Variants in STK31 observed in about 807,000 individuals in gnomAD.
STK31 encodes serine/threonine-protein kinase 31.
A neutral mutation model predicts 129.7 loss-of-function variants in STK31; 89 were observed. That is an observed-to-expected ratio of 0.69 (90% CI 0.58 to 0.82). The LOEUF (loss-of-function observed/expected upper bound fraction) is 0.82. Ranked by LOEUF, STK31 falls within the 40% of genes least tolerant of loss-of-function variation. The pLI, the probability that STK31 is intolerant of heterozygous loss-of-function variation, is 0.00. For missense variants in STK31, 1,187 were observed against 1,176.4 expected, an observed-to-expected ratio of 1.01 and a Z score of -0.13; for synonymous variants, 448 against 395.3, an observed-to-expected ratio of 1.13 and a Z score of -1.58.
intron 8 of STK31, among the ~76,000 whole-genome samples, chr7:23,738,362 T>TG (rs1277166152): frequency 1.6e-4 from 24 of 149,912 alleles, no homozygotes; most frequent in Non-Finnish European, 3.0e-5. Context: ...CCAAATCTCA[T>TG]TCAGAGTATT....
chr7:23,775,734 G>T (rs909850715), intron 15 of STK31, among the ~76,000 whole-genome samples: 14 of 152,180 alleles, frequency 9.2e-5, no homozygotes, highest in Non-Finnish European at 1.6e-4. Context: ...TTTGGGCTGA[G>T]ACGATGGGGT....
At chr7:23,715,528 G>T (rs558019859) in intron 3 of STK31, among the ~76,000 whole-genome samples, 1 of 151,898 alleles carries the variant, frequency 6.6e-6, no homozygotes, top group South Asian at 2.1e-4. Context: ...CTGAGGGTGG[G>T]AAGATTGCCT....
At chr7:23,819,878 G>C (rs1488900738) in intron 23 of STK31, among the ~76,000 whole-genome samples, 2 of 152,150 alleles carry the variant, frequency 1.3e-5, no homozygotes, top group Non-Finnish European at 2.9e-5. Flanking sequence ...CTCCCATAAT[G>C]ATGGTGATAA....
At chr7:23,798,949 G>T (rs183156710) in intron 22 of STK31, among the ~76,000 whole-genome samples, 1 of 151,526 alleles carries the variant, frequency 6.6e-6, no homozygotes, top group African/African-American at 2.4e-5. Context: ...TTATACACCC[G>T]TAACAGACAA....
intron 8 of STK31, among the ~76,000 whole-genome samples, chr7:23,739,164 C>A (rs1787903692): frequency 6.6e-6 from 1 of 152,146 alleles, no homozygotes; most frequent in Non-Finnish European, 1.5e-5. Flanking sequence ...TTAATGATCG[C>A]CATTATAACT....
intron 8 of STK31, among the ~76,000 whole-genome samples, chr7:23,744,065 G>A (rs1047485712): frequency 6.6e-5 from 10 of 151,808 alleles, no homozygotes; most frequent in Non-Finnish European, 1.3e-4. Flanking sequence ...GACTACAGGT[G>A]CATGCCACCA....
At chr7:23,786,473 C>G (rs1225265135) in intron 18 of STK31, 35 bp from the exon 19 acceptor site, 3 of 1,559,774 alleles carry the variant, frequency 1.9e-6, no homozygotes, top group Non-Finnish European at 2.6e-6. Flanking sequence ...AGATTTTCAT[C>G]TTGGAATTAC....
At chr7:23,753,616 C>A (rs962456713) in intron 9 of STK31, among the ~76,000 whole-genome samples, 2 of 152,196 alleles carry the variant, frequency 1.3e-5, no homozygotes, top group African/African-American at 4.8e-5. Flanking sequence ...AAGCCCACTA[C>A]GTTTGTTATT....
chr7:23,799,577 C>T (rs188907557), intron 22 of STK31, among the ~76,000 whole-genome samples: 162 of 152,114 alleles, frequency 1.1e-3, no homozygotes, highest in Admixed American at 2.9e-3. Flanking sequence ...TTCCTTACAC[C>T]GTATACAAAA....
intron 6 of STK31, among the ~76,000 whole-genome samples, 175 bp from the exon 7 acceptor site, chr7:23,735,363 G>A (rs1208689131): frequency 6.6e-6 from 1 of 152,196 alleles, no homozygotes; most frequent in Non-Finnish European, 1.5e-5. Flanking sequence ...TAGCAAGTGT[G>A]TAATTGGAAT....
In STK31 at chr7:23,729,208, C is replaced by T. The variant is rs780817408; in HGVS notation, c.442C>T (p.Leu148=). 2 of 1,609,266 alleles carry T rather than the reference C, an allele frequency of 1.2e-6. No homozygotes were observed. Among genetic ancestry groups the T allele is most frequent in the African/African-American group, 1.3e-5 (1 of 74,674 alleles). The change falls in exon 6 of 24, where the codon CTA becomes TTA. Residue 148 remains leucine, a synonymous_variant. Transcript: ENST00000355870. ...SVAKKYKLWG[L]HIPSDQEVTQ... is the part of the protein sequence containing the mutation. ...TGCCAAAAAGTATAAACTTTGGGGACTACACATTCCTTCTGATCAAGAAGT... is the reference window on the plus strand; with the variant it reads ...TGCCAAAAAGTATAAACTTTGGGGATTACACATTCCTTCTGATCAAGAAGT...
At chr7:23,785,141 T>A (rs1374114017) in intron 17 of STK31, among the ~76,000 whole-genome samples, 1 of 152,168 alleles carries the variant, frequency 6.6e-6, no homozygotes, top group Non-Finnish European at 1.5e-5. Context: ...CCCGTCCCAA[T>A]CAGTTGTTAC....
At chr7:23,752,228 G>A (rs923979588) in intron 8 of STK31, among the ~76,000 whole-genome samples, 1 of 152,036 alleles carries the variant, frequency 6.6e-6, no homozygotes, top group East Asian at 1.9e-4. Flanking sequence ...GAGTGATAAT[G>A]TATAGTTTGT....
At chr7:23,790,577 TA>T (rs1264318329) in intron 21 of STK31, among the ~76,000 whole-genome samples, 3 of 152,142 alleles carry the variant, frequency 2.0e-5, no homozygotes, top group African/African-American at 7.2e-5. Flanking sequence ...AATCACAGAA[TA>T]AGTGGTTGTT....
intron 15 of STK31, among the ~76,000 whole-genome samples, chr7:23,773,051 G>A (rs1275127676): frequency 6.6e-6 from 1 of 152,022 alleles, no homozygotes; most frequent in Non-Finnish European, 1.5e-5. Flanking sequence ...GGAGAAATCT[G>A]ACTTTTGTTA....
At chr7:23,830,592 T>TTGTGTGTG (rs3034048) in intron 23 of STK31, among the ~76,000 whole-genome samples, 6,151 of 142,188 alleles carry the variant, frequency 0.043, 220 homozygotes, top group African/African-American at 0.09. Flanking sequence ...AATTTCCATG[T>TTGTGTGTG]TGTGTGTGTG....
chr7:23,716,760 A>G (rs1786347088), intron 3 of STK31, among the ~76,000 whole-genome samples: 1 of 148,506 alleles, frequency 6.7e-6, no homozygotes, highest in African/African-American at 2.5e-5. Context: ...ACAGATTGGT[A>G]CTTGTCCTTA....
At chr7:23,746,820 CTT>C (rs1162034582) in intron 8 of STK31, among the ~76,000 whole-genome samples, 1 of 151,716 alleles carries the variant, frequency 6.6e-6, no homozygotes, top group East Asian at 1.9e-4. Flanking sequence ...ATAATTTTAA[CTT>C]AATATTATTT....
chr7:23,713,425 T>C lies in STK31; in HGVS notation c.150+1139T>C, dbSNP rs189355448. On this transcript the variant is annotated intron_variant, in intron 3 of 23. Coordinates refer to ENST00000355870, the MANE Select transcript of STK31 (RefSeq NM_031414.5). ...GTCCTGGGACATTACTGTACACTAC[T>C]GTATACTTTATAAATACCATACACT... 2.6e-3 allele frequency among the ~76,000 whole-genome samples: 392 copies of C among 152,318 alleles called. 1 individual carries two copies. Among genetic ancestry groups the C allele is most frequent in the African/African-American group, 9.2e-3 (382 of 41,570 alleles).
Sources: allele counts gnomAD v4.1 joint callset (sites outside exome capture counted in the v4.1 genomes callset), GRCh38; gene constraint gnomAD v4.1.1; transcripts MANE v1.5; gene names NCBI Gene and HGNC (gene_info 2026-07-23, HGNC 2026-07-21).